EYS: variants seen among roughly 807,000 people sequenced by gnomAD.
EYS encodes the protein protein eyes shut homolog.
EYS carries 250 observed loss-of-function variants against 282.1 expected under a neutral mutation model. The observed-to-expected ratio is 0.89, with a 90% confidence interval of 0.80 to 0.98. The LOEUF (loss-of-function observed/expected upper bound fraction) is 0.98. EYS is among the 50% of genes least tolerant of loss of function. The pLI is 0.00. For missense variants in EYS, 4,016 were observed against 3,709.0 expected (o/e 1.08, Z -2.15); for synonymous variants, 1,355 against 1,282.9 (o/e 1.06, Z -1.20).
rs148146167 is a variant in EYS, at chr6:64,628,536, A to C, written c.3444-2291T>G. On this transcript the variant is annotated intron_variant, in intron 22 of 42. Coordinates refer to ENST00000503581, the MANE Select transcript of EYS (RefSeq NM_001142800.2). ...TAATCCTCACACCTCAGCCTCCCAC[A>C]TAGGACTACAGGTGGTGTGCACCAT... Among the ~76,000 whole-genome samples the C allele has an allele frequency of 8.3e-3, 1,259 of 152,234 alleles. 18 individuals carry two copies. Among genetic ancestry groups the C allele is most frequent in the African/African-American group, 0.027 (1,136 of 41,562 alleles).
In EYS at chr6:64,240,427, C is replaced by A. The variant is rs564666581; in HGVS notation, c.6192-9603G>T. ...ATTTGCTTGTGTCCTCTATTATTTC[C>A]TTGAGCAGTGGTTTGTAGTTCTCCT... On this transcript the variant is annotated intron_variant, in intron 30 of 42. Transcript: ENST00000503581. Among the ~76,000 whole-genome samples the A allele has an allele frequency of 2.4e-4, 37 of 152,150 alleles. 1 individual carries two copies. In the South Asian group the frequency reaches 7.3e-3, roughly 30 times the overall value.
chr6:63,928,194 A>G (rs574381276), intron 35 of EYS, among the ~76,000 whole-genome samples: 2 of 152,304 alleles, frequency 1.3e-5, no homozygotes, highest in African/African-American at 4.8e-5. Flanking sequence ...ATAACTGATT[A>G]CTAGCAGAAA....
intron 29 of EYS, among the ~76,000 whole-genome samples, chr6:64,308,522 A>T (rs1469586441): frequency 6.6e-6 from 1 of 152,074 alleles, no homozygotes; most frequent in Non-Finnish European, 1.5e-5. Context: ...AGCTTAGGTG[A>T]ACCAAATTAT....
intron 22 of EYS, among the ~76,000 whole-genome samples, chr6:64,751,782 G>A (rs1772767302): frequency 6.6e-6 from 1 of 152,134 alleles, no homozygotes; most frequent in Non-Finnish European, 1.5e-5. Context: ...CAAGACCTCT[G>A]CTATCACAGC....
intron 2 of EYS, among the ~76,000 whole-genome samples, chr6:65,615,662 C>T (rs1038272287): frequency 5.3e-5 from 8 of 152,168 alleles, no homozygotes; most frequent in South Asian, 2.1e-4. Flanking sequence ...CAGCCAGGTG[C>T]GGTGGCTCAC....
At chr6:63,851,161 C>G (rs887143919) in intron 36 of EYS, among the ~76,000 whole-genome samples, 2 of 152,132 alleles carry the variant, frequency 1.3e-5, no homozygotes, top group African/African-American at 4.8e-5. Flanking sequence ...CAGGATCATC[C>G]AGATTCATAA....
At chr6:63,968,711 G>A (rs1766418779) in intron 35 of EYS, among the ~76,000 whole-genome samples, 2 of 152,146 alleles carry the variant, frequency 1.3e-5, no homozygotes, top group African/African-American at 4.8e-5. Flanking sequence ...GATGACCCTT[G>A]ATAAACTTCA....
intron 1 of EYS, among the ~76,000 whole-genome samples, chr6:65,701,846 A>G (rs1164085269): frequency 2.0e-5 from 3 of 152,218 alleles, no homozygotes; most frequent in African/African-American, 7.2e-5. Flanking sequence ...TTTTTGGAAC[A>G]GGAAGCTTTG....
chr6:64,658,564 C>T, intron 22 of EYS, among the ~76,000 whole-genome samples: 1 of 152,186 alleles, frequency 6.6e-6, no homozygotes. Context: ...GTCAGTTTTT[C>T]TTCTAACAGT....
intron 12 of EYS, among the ~76,000 whole-genome samples, chr6:65,210,407 T>C (rs1766144476): frequency 6.6e-6 from 1 of 152,006 alleles, no homozygotes; most frequent in Admixed American, 6.6e-5. Context: ...GGCAGAATTA[T>C]CTTCCCACTT....
At chr6:64,864,815 C>A (rs530010320) in intron 19 of EYS, among the ~76,000 whole-genome samples, 1 of 151,728 alleles carries the variant, frequency 6.6e-6, no homozygotes, top group Non-Finnish European at 1.5e-5. Context: ...GCAGTTGGAT[C>A]ACCTGAGGTC....
chr6:63,979,856 T>C (rs1372240153), intron 35 of EYS, among the ~76,000 whole-genome samples: 2 of 151,886 alleles, frequency 1.3e-5, no homozygotes, highest in East Asian at 3.9e-4. Context: ...GAAAAAAGAT[T>C]GGACACTGTC....
chr6:65,360,081 T>C (rs1764641465), intron 8 of EYS, among the ~76,000 whole-genome samples: 2 of 152,118 alleles, frequency 1.3e-5, no homozygotes, highest in South Asian at 2.1e-4. Context: ...AGAACTATTA[T>C]TGTTAAAAAT....
intron 31 of EYS, among the ~76,000 whole-genome samples, chr6:64,107,246 T>G (rs1262753989): frequency 2.4e-5 from 3 of 123,684 alleles, no homozygotes; most frequent in African/African-American, 6.5e-5. Flanking sequence ...TAGTAGGAGA[T>G]ATATATATAT....
At chr6:64,952,580 G>A (rs1381756914) in intron 14 of EYS, among the ~76,000 whole-genome samples, 1 of 151,936 alleles carries the variant, frequency 6.6e-6, no homozygotes, top group African/African-American at 2.4e-5. Flanking sequence ...CACTTGGAAT[G>A]ACTTTGTCTA....
At chr6:65,134,489 C>T (rs954356998) in intron 12 of EYS, among the ~76,000 whole-genome samples, 14 of 151,986 alleles carry the variant, frequency 9.2e-5, no homozygotes, top group East Asian at 3.9e-4. Context: ...AGCAAACTAG[C>T]GCAGGAACAG....
At chr6:64,456,018 T>G (rs2150481307) in intron 26 of EYS, among the ~76,000 whole-genome samples, 1 of 152,270 alleles carries the variant, frequency 6.6e-6, no homozygotes, top group South Asian at 2.1e-4. Context: ...TAATTTATAT[T>G]TAGGATATTT....
At chr6:63,783,488 A>G (rs180998534) in intron 39 of EYS, among the ~76,000 whole-genome samples, 19 of 152,364 alleles carry the variant, frequency 1.2e-4, no homozygotes, top group Non-Finnish European at 2.5e-4. Flanking sequence ...GCACCATTCC[A>G]GGTGCTGTGG....
intron 26 of EYS, among the ~76,000 whole-genome samples, chr6:64,497,736 T>C (rs1234978290): frequency 6.6e-6 from 1 of 152,054 alleles, no homozygotes; most frequent in Non-Finnish European, 1.5e-5. Flanking sequence ...CAGATTGAGA[T>C]TTGGAAATGT....
Sources: gnomAD v4.1 joint callset for allele counts (sites outside exome capture counted in the v4.1 genomes callset) on GRCh38, gnomAD v4.1.1 for gene constraint, MANE v1.5 for transcripts, NCBI Gene and HGNC (gene_info 2026-07-23, HGNC 2026-07-21) for gene names.